The following FRMD6 variants were observed in gnomAD, a reference collection of about 807,000 sequenced individuals.
FRMD6 encodes FERM domain containing 6, also known as FERM domain-containing protein 6.
In FRMD6, 37 loss-of-function variants were observed where a neutral mutation model predicts 73.2. The observed-to-expected ratio is 0.51, with a 90% CI of 0.39 to 0.66. The LOEUF is 0.66. Ranked by LOEUF, FRMD6 falls within the 30% of genes least tolerant of loss-of-function variation. The pLI is 0.00. For synonymous variants in FRMD6, 273 were observed against 282.2 expected (o/e 0.97, Z 0.33); for missense variants, 714 against 780.5 (o/e 0.91, Z 1.02).
chr14:51,721,367 T>C (rs1293442724), intron 11 of FRMD6, among the ~76,000 whole-genome samples: 1 of 152,232 alleles, frequency 6.6e-6, no homozygotes, highest in African/African-American at 2.4e-5. Context: ...ATCCTGGCAC[T>C]TTGGGAGGCC....
intron 1 of FRMD6, among the ~76,000 whole-genome samples, chr14:51,653,196 A>T (rs761220195): frequency 6.9e-6 from 1 of 144,336 alleles, no homozygotes; most frequent in Non-Finnish European, 1.5e-5. Flanking sequence ...CTCTTGCTGG[A>T]TTTTCCGAGT....
the FRMD6 span, among the ~76,000 whole-genome samples, chr14:51,400,039 C>G: frequency 6.6e-6 from 1 of 151,726 alleles, no homozygotes; most frequent in Non-Finnish European, 1.5e-5. Context: ...TGTTTCAATA[C>G]ATGCATACAT....
intron 2 of FRMD6, among the ~76,000 whole-genome samples, chr14:51,633,030 G>A (rs143203554): frequency 2.4e-4 from 36 of 152,210 alleles, no homozygotes; most frequent in Middle Eastern, 3.4e-3. Flanking sequence ...CATGCATTTC[G>A]TGTAAAATAT....
the FRMD6 span, among the ~76,000 whole-genome samples, chr14:51,449,866 G>C: frequency 6.6e-6 from 1 of 152,146 alleles, no homozygotes; most frequent in Non-Finnish European, 1.5e-5. Context: ...AGCACCAGTA[G>C]GTCATACTCT....
intron 1 of FRMD6, among the ~76,000 whole-genome samples, chr14:51,531,808 T>C (rs1487445438): frequency 1.3e-5 from 2 of 152,240 alleles, no homozygotes; most frequent in Non-Finnish European, 2.9e-5. Flanking sequence ...TCAATATTCA[T>C]ATCAGAAATA....
chr14:51,486,009 G>A (rs1218602436), upstream of FRMD6, among the ~76,000 whole-genome samples: 1 of 150,952 alleles, frequency 6.6e-6, no homozygotes, highest in African/African-American at 2.4e-5. Context: ...AAGTTTGCAA[G>A]TTGGATCACT....
At chr14:51,696,845 A>C (rs139012955) in intron 2 of FRMD6, among the ~76,000 whole-genome samples, 1 of 152,160 alleles carries the variant, frequency 6.6e-6, no homozygotes, top group Non-Finnish European at 1.5e-5. Context: ...TAGACTATTA[A>C]GAGGAAAGCT....
intron 2 of FRMD6, chr14:51,637,500 CATAT>C (rs1354426037): frequency 1.5e-3 from 163 of 106,554 alleles, no homozygotes; most frequent in Non-Finnish European, 2.5e-3. Context: ...CACACACACA[CATAT>C]ATTTGGAAGT....
chr14:51,582,356 G>A (rs1246319909), intron 2 of FRMD6, among the ~76,000 whole-genome samples: 23 of 152,314 alleles, frequency 1.5e-4, no homozygotes, highest in Non-Finnish European at 1.5e-4. Flanking sequence ...GACATTGGAT[G>A]ATATTATCTT....
intron 11 of FRMD6, 53 bp downstream of exon 11, chr14:51,720,443 A>T (rs1326786281): frequency 6.4e-7 from 1 of 1,553,134 alleles, no homozygotes; most frequent in Non-Finnish European, 8.9e-7. Context: ...AGTTTTTTCA[A>T]GCATTGGTTC....
intron 9 of FRMD6, among the ~76,000 whole-genome samples, chr14:51,713,418 A>G (rs1897060577): frequency 6.7e-6 from 1 of 149,336 alleles, no homozygotes; most frequent in African/African-American, 2.5e-5. Flanking sequence ...AGACCGCACC[A>G]TTGCACTCCA....
chr14:51,661,360 C>T (rs1012382039), intron 1 of FRMD6, among the ~76,000 whole-genome samples: 1 of 152,068 alleles, frequency 6.6e-6, no homozygotes, highest in African/African-American at 2.4e-5. Context: ...CACGTTTTTC[C>T]AACATAGTGA....
At chr14:51,636,479 T>C (rs1013536545) in intron 2 of FRMD6, among the ~76,000 whole-genome samples, 4 of 152,184 alleles carry the variant, frequency 2.6e-5, no homozygotes, top group African/African-American at 7.2e-5. Flanking sequence ...TTGCGCTGGC[T>C]GGGCAGCTGG....
rs1209125143 is a variant in FRMD6 at position 51,598,679 on chromosome 14, C to T, written c.-147+28269C>T. ...ACATGTGGTATTTGGTTTTCTATCT[C>T]TGGGTTACTTCACTTAGGTTGCATC... is the stretch of plus-strand genomic sequence containing the variant. On this transcript the variant is annotated intron_variant, in intron 2 of 14. Coordinates refer to the FRMD6 transcript ENST00000356218. Among the ~76,000 whole-genome samples the T allele has an allele frequency of 4.6e-5, 7 of 152,314 alleles. No homozygotes were observed. In the East Asian group the frequency reaches 1.4e-3, roughly 29 times the overall value.
chr14:51,695,644 C>T (rs1229798972), intron 2 of FRMD6, among the ~76,000 whole-genome samples: 1 of 152,162 alleles, frequency 6.6e-6, no homozygotes, highest in Non-Finnish European at 1.5e-5. Flanking sequence ...AATCAGATTC[C>T]TGCCTTTCAT....
At chr14:51,507,703 G>A (rs1229041909) in intron 1 of FRMD6, among the ~76,000 whole-genome samples, 1 of 151,994 alleles carries the variant, frequency 6.6e-6, no homozygotes, top group Non-Finnish European at 1.5e-5. Context: ...CTGATTTCCA[G>A]TTCCATTAGA....
intron 1 of FRMD6, among the ~76,000 whole-genome samples, chr14:51,507,083 GACACACACAC>G (rs200052672): frequency 0.097 from 13,536 of 138,936 alleles, 644 homozygotes; most frequent in African/African-American, 0.13. Flanking sequence ...TGGTTGTATA[GACACACACAC>G]ACACACACAC....
the FRMD6 span, among the ~76,000 whole-genome samples, chr14:51,420,573 A>C: frequency 6.6e-6 from 1 of 152,354 alleles, no homozygotes; most frequent in Middle Eastern, 3.4e-3. Flanking sequence ...CCAACCACAT[A>C]TCAAAAATAC....
intron 2 of FRMD6, among the ~76,000 whole-genome samples, chr14:51,580,009 C>T (rs1323170079): frequency 6.6e-6 from 1 of 152,170 alleles, no homozygotes; most frequent in African/African-American, 2.4e-5. Context: ...TCAAACCCAA[C>T]AATGATGTTT....
Sources: allele counts gnomAD v4.1 joint callset (sites outside exome capture counted in the v4.1 genomes callset), GRCh38; gene constraint gnomAD v4.1.1; transcripts MANE v1.5; gene names NCBI Gene and HGNC (gene_info 2026-07-23, HGNC 2026-07-21).